NIN: variants seen among roughly 807,000 people sequenced by gnomAD.
NIN encodes ninein.
NIN carries 137 observed loss-of-function variants against 257.6 expected under a neutral mutation model. The ratio of observed to expected loss-of-function variants is 0.53; its 90% CI spans 0.46 to 0.61. The LOEUF is 0.61. NIN is among the 20% of genes least tolerant of loss of function. The probability of loss-of-function intolerance (pLI) is 0.00; values close to 1 mark genes in which losing one functional copy is unlikely to be tolerated. For synonymous variants in NIN, 918 were observed against 919.8 expected (o/e 1.00, Z 0.04); for missense variants, 2,439 against 2,501.2 (o/e 0.98, Z 0.53).
At chr14:50,756,445 T>G in intron 18 of NIN, 47 bp downstream of exon 18, 62 of 1,530,156 alleles carry the variant, frequency 4.1e-5, no homozygotes, top group Non-Finnish European at 5.0e-5. Context: ...TTAGATCTGG[T>G]GAGGTGCTCT....
intron 29 of NIN, among the ~76,000 whole-genome samples, chr14:50,728,137 G>T (rs962677383): frequency 2.6e-5 from 4 of 151,944 alleles, no homozygotes; most frequent in African/African-American, 9.7e-5. Context: ...AACATTGGTG[G>T]GTGGGTTGGA....
At chr14:50,724,506 T>C (rs561128003) in intron 30 of NIN, among the ~76,000 whole-genome samples, 129 of 152,240 alleles carry the variant, frequency 8.5e-4, no homozygotes, top group Non-Finnish European at 1.4e-3. Context: ...TCAGAACATA[T>C]TTTCTGTTGA....
Position 50,759,946 on chromosome 14 carries a change from C to A in NIN, c.2310G>T (p.Leu770=). 6.2e-7 allele frequency: 1 copy of A among 1,614,200 alleles called. No homozygotes were observed. Among genetic ancestry groups the A allele is most frequent in the Non-Finnish European group, 8.5e-7 (1 of 1,180,046 alleles). ...GAGTGTGTTTCTCCACCAGGCTTGT[C>A]AGCTGCTCCTGGTGAAACTGCTCTA... is the stretch of plus-strand genomic sequence containing the variant. ...QELEQFHQEQ[L]TSLVEKHTLE... Residue 770 remains leucine, a synonymous_variant, in exon 17 of 31, where the codon CTG becomes CTT. Coordinates refer to ENST00000530997, the MANE Select transcript of NIN (RefSeq NM_020921.4).
At chr14:50,737,941 G>A (rs571339631) in intron 27 of NIN, among the ~76,000 whole-genome samples, 199 bp downstream of exon 27, 104 of 152,150 alleles carry the variant, frequency 6.8e-4, no homozygotes, top group Non-Finnish European at 1.3e-3. Flanking sequence ...CACCACACCC[G>A]GCCAAACTGT....
At chr14:50,777,339 T>A (rs2042962271) in intron 6 of NIN, among the ~76,000 whole-genome samples, 200 bp from the exon 7 acceptor site, 1 of 152,202 alleles carries the variant, frequency 6.6e-6, no homozygotes, top group Non-Finnish European at 1.5e-5. Context: ...AATGGGTACT[T>A]TTTGGCTCCC....
At chr14:50,764,162 G>A (rs2042384634) in intron 14 of NIN, among the ~76,000 whole-genome samples, 198 bp from the exon 15 acceptor site, 1 of 152,150 alleles carries the variant, frequency 6.6e-6, no homozygotes, top group South Asian at 2.1e-4. Flanking sequence ...GACTATTATA[G>A]CTCAATAATA....
At chr14:50,782,340 T>C (rs1311711315) in intron 5 of NIN, among the ~76,000 whole-genome samples, 2 of 152,216 alleles carry the variant, frequency 1.3e-5, no homozygotes, top group Admixed American at 6.5e-5. Context: ...ATGTACATGA[T>C]AGCACTTTTT....
chr14:50,826,550 T>A (rs1450966329), intron 2 of NIN, among the ~76,000 whole-genome samples: 2 of 152,206 alleles, frequency 1.3e-5, no homozygotes, highest in Non-Finnish European at 2.9e-5. Flanking sequence ...CAAATAGGAC[T>A]GCAAACTAAA....
chr14:50,738,317 G>A, intron 26 of NIN, 31 bp from the exon 27 acceptor site: 2 of 1,598,914 alleles, frequency 1.3e-6, no homozygotes, highest in Non-Finnish European at 1.7e-6. Flanking sequence ...AGGAAAAAAT[G>A]CTAATACAAT....
At chr14:50,797,907 A>G (rs1210423876) in intron 4 of NIN, among the ~76,000 whole-genome samples, 1 of 151,796 alleles carries the variant, frequency 6.6e-6, no homozygotes, top group Admixed American at 6.6e-5. Context: ...GAAGACCACC[A>G]GGAAGGGAAA....
intron 27 of NIN, 97 bp from the exon 28 acceptor site, chr14:50,735,714 A>C: frequency 7.0e-7 from 1 of 1,425,162 alleles, no homozygotes; most frequent in Non-Finnish European, 9.2e-7. Flanking sequence ...CAGAAATCTC[A>C]ACTCTTGGAA....
At chr14:50,784,747 T>C (rs1350933272) in intron 5 of NIN, among the ~76,000 whole-genome samples, 1 of 152,232 alleles carries the variant, frequency 6.6e-6, no homozygotes, top group Non-Finnish European at 1.5e-5. Flanking sequence ...TATACCTTAA[T>C]AAAGCTAAGG....
chr14:50,743,792 T>C (rs945819951), intron 23 of NIN, among the ~76,000 whole-genome samples: 5 of 152,072 alleles, frequency 3.3e-5, no homozygotes, highest in Non-Finnish European at 7.3e-5. Context: ...GGGTGGAAGA[T>C]GGTAAGCTGG....
rs1317703598 is a variant in NIN at position 50,743,281 on chromosome 14, CA to C, written c.5301+134del. 19 of 634,924 alleles carry C rather than the reference CA, an allele frequency of 3.0e-5. 1 individual carries two copies. Among genetic ancestry groups the C allele is most frequent in the Middle Eastern group, 3.1e-4 (1 of 3,254 alleles). 39.3% of individuals were successfully genotyped at this position (634,924 alleles called of 1,614,324 possible). On this transcript the variant is annotated intron_variant, in intron 24 of 30. Transcript: ENST00000530997. ...GCCTTGCCACACTATAAACACACAT[CA>C]AACATTGGTCAAATTGAATCATTTG...
At chr14:50,829,993 T>C (rs2045627743) in intron 2 of NIN, among the ~76,000 whole-genome samples, 1 of 152,180 alleles carries the variant, frequency 6.6e-6, no homozygotes, top group Non-Finnish European at 1.5e-5. Flanking sequence ...CTGGGCATTA[T>C]ACTGGGAAAC....
At chr14:50,826,201 A>C (rs111287727) in intron 2 of NIN, among the ~76,000 whole-genome samples, 71 of 152,344 alleles carry the variant, frequency 4.7e-4, no homozygotes, top group South Asian at 3.7e-3. Flanking sequence ...GAGAAATTCT[A>C]CTTCAAATTG....
intron 22 of NIN, among the ~76,000 whole-genome samples, chr14:50,744,918 C>T (rs913032156): frequency 3.9e-5 from 6 of 152,020 alleles, no homozygotes; most frequent in Admixed American, 2.6e-4. Context: ...GACAGAGACT[C>T]TGTCTCCAAA....
rs1240893715 is a variant in NIN, at chr14:50,748,043, A to T, written c.5013T>A (p.Ile1671=). The T allele has an allele frequency of 2.5e-6, 4 of 1,614,112 alleles. No individual in the cohort carries two copies. In the South Asian group the frequency reaches 3.3e-5, roughly 13 times the overall value. ...ELSEVKIQTH[I]VQQENHLLKD... Reference sequence around the variant, plus strand: ...TGAGAAGGTGGTTTTCCTGTTGCACAATATGGGTCTGTATTTTAACTTCAG... The same window carrying T: ...TGAGAAGGTGGTTTTCCTGTTGCACTATATGGGTCTGTATTTTAACTTCAG... Residue 1671 remains isoleucine (I), a synonymous_variant, in exon 22 of 31, where the codon ATT becomes ATA. Transcript: ENST00000530997.
intron 28 of NIN, among the ~76,000 whole-genome samples, chr14:50,731,388 G>C (rs11157762): frequency 4.0e-5 from 6 of 151,834 alleles, no homozygotes; most frequent in Non-Finnish European, 8.8e-5. Context: ...AAATTACCCA[G>C]GCATGGTGGC....
Sources: gnomAD v4.1 joint callset for allele counts (sites outside exome capture counted in the v4.1 genomes callset) on GRCh38, gnomAD v4.1.1 for gene constraint, MANE v1.5 for transcripts, NCBI Gene and HGNC (gene_info 2026-07-23, HGNC 2026-07-21) for gene names.